Variants in XYLT1 observed in about 807,000 individuals in gnomAD.
The protein encoded by XYLT1 is xylosyltransferase 1, also known as beta-D-xylosyltransferase 1.
XYLT1 carries 36 observed loss-of-function variants against 91.3 expected under a neutral mutation model. That is an observed-to-expected ratio of 0.39 (90% CI 0.30 to 0.52). XYLT1 has a LOEUF of 0.52. Among genes scored for constraint, XYLT1 ranks in the 20% least tolerant of loss-of-function variants. XYLT1 has a pLI of 0.68. For missense variants in XYLT1, 1,242 were observed against 1,284.5 expected (o/e 0.97, Z 0.51); for synonymous variants, 588 against 532.0 (o/e 1.11, Z -1.45).
chr16:17,297,214 A>C (rs560175491), intron 2 of XYLT1, among the ~76,000 whole-genome samples: 1 of 152,272 alleles, frequency 6.6e-6, no homozygotes, highest in South Asian at 2.1e-4. Flanking sequence ...TTTATTAGTA[A>C]CACCACCCAA....
chr16:17,246,976 T>C (rs78296569), intron 3 of XYLT1, among the ~76,000 whole-genome samples: 3,692 of 152,158 alleles, frequency 0.024, 139 homozygotes, highest in African/African-American at 0.079. Flanking sequence ...AGAGGTGCAG[T>C]GTGGGGAGAC....
intron 5 of XYLT1, among the ~76,000 whole-genome samples, chr16:17,171,442 A>G (rs1472550953): frequency 6.6e-6 from 1 of 152,242 alleles, no homozygotes; most frequent in Non-Finnish European, 1.5e-5. Flanking sequence ...CACACCATGG[A>G]AAAACAAACA....
At position 17,419,798 on chromosome 16, in the gene XYLT1, AAG is replaced by A. The variant is rs141402713; in HGVS notation, c.363+50634_363+50635del. Among the ~76,000 whole-genome samples the A allele has an allele frequency of 1.8e-3, 269 of 152,308 alleles. 2 individuals are homozygous for A. The highest frequency in any genetic ancestry group is 6.2e-3 in the African/African-American group (257 of 41,574). On this transcript the variant is annotated intron_variant, in intron 1 of 11. Coordinates refer to ENST00000261381, the MANE Select transcript of XYLT1 (RefSeq NM_022166.4). The stretch of plus-strand genomic sequence containing the variant: ...ACCTCTTTTTCCTTCTGTAAATTGA[AAG>A]AGAGGGAGCCTGCTTCCTTTGATTT...
At chr16:17,346,213 C>A (rs1303643517) in intron 2 of XYLT1, among the ~76,000 whole-genome samples, 1 of 152,172 alleles carries the variant, frequency 6.6e-6, no homozygotes, top group African/African-American at 2.4e-5. Flanking sequence ...GCTGCATAGA[C>A]CATGACCTGC....
rs1202150931 is a variant in XYLT1 at position 17,200,595 on chromosome 16, G to T, written c.973C>A (p.Pro325Thr). ...ACCAGGACAAAGGCGATTCTGACCG[G>T]GTTGGCTGGCATGTACTCCACGGAG... ...EDSVEYMPAN[P>T]VRIAFVLVVH... The change falls in exon 4 of 12, where the codon CCG (proline) becomes ACG (threonine). Residue 325 changes from proline to threonine, a missense_variant. Physicochemically the swap from Pro to Thr is conservative, Grantham distance 38 (BLOSUM62 -1). Around this residue, in one of 3 missense-constraint regions of XYLT1, gnomAD observed 294 missense variants for 376.0 expected, o/e 0.78. Transcript: ENST00000261381. 1 of 1,614,070 alleles carries T rather than the reference G, an allele frequency of 6.2e-7. No homozygotes were observed. Among genetic ancestry groups the T allele is most frequent in the African/African-American group, 1.3e-5 (1 of 74,930 alleles).
At chr16:17,436,378 G>C (rs1251220483) in intron 1 of XYLT1, among the ~76,000 whole-genome samples, 8 of 152,154 alleles carry the variant, frequency 5.3e-5, no homozygotes, top group Non-Finnish European at 1.2e-4. Flanking sequence ...AAGGCTGTCT[G>C]GCTCCAGAGT....
intron 2 of XYLT1, among the ~76,000 whole-genome samples, chr16:17,296,633 C>T (rs1042754272): frequency 2.0e-5 from 3 of 152,142 alleles, no homozygotes; most frequent in South Asian, 2.1e-4. Flanking sequence ...TGGGCAGGAG[C>T]GCAGAGCCCG....
rs546143829 is a variant in XYLT1, at chr16:17,392,518, C to T, written c.364-34468G>A. Among the ~76,000 whole-genome samples the T allele has an allele frequency of 4.8e-4, 73 of 152,250 alleles. 2 individuals carry two copies. In the South Asian group the frequency reaches 0.014, roughly 29 times the overall value. ...GTGTTATTCACTGCTGCATCCTCATCGTGCACACTAGCTGATACTCCTAAA... is the reference window on the plus strand; with the variant it reads ...GTGTTATTCACTGCTGCATCCTCATTGTGCACACTAGCTGATACTCCTAAA... On this transcript the variant is annotated intron_variant, in intron 1 of 11. Transcript: ENST00000261381.
intron 1 of XYLT1, among the ~76,000 whole-genome samples, chr16:17,445,086 GC>G (rs1320209651): frequency 6.6e-6 from 1 of 152,152 alleles, no homozygotes. Flanking sequence ...TACAACCTTT[GC>G]CTCCAGGGCT....
intron 1 of XYLT1, among the ~76,000 whole-genome samples, chr16:17,425,201 A>C (rs2141926338): frequency 6.6e-6 from 1 of 152,250 alleles, no homozygotes; most frequent in African/African-American, 2.4e-5. Context: ...CACCTCAATA[A>C]AATTTTACTC....
intron 6 of XYLT1, among the ~76,000 whole-genome samples, chr16:17,157,651 TAAC>T (rs1181172116): frequency 1.3e-5 from 2 of 152,194 alleles, no homozygotes; most frequent in African/African-American, 4.8e-5. Flanking sequence ...CCATGCACGT[TAAC>T]AAGCTGAAAT....
intron 5 of XYLT1, chr16:17,193,803 C>G (rs573092589): frequency 9.8e-5 from 15 of 152,310 alleles, no homozygotes; most frequent in African/African-American, 3.6e-4. Context: ...CATTCATCTG[C>G]AAAATTCATA....
intron 8 of XYLT1, among the ~76,000 whole-genome samples, chr16:17,136,475 G>A (rs997060913): frequency 1.1e-4 from 16 of 152,128 alleles, no homozygotes; most frequent in African/African-American, 3.9e-4. Context: ...TCCTCATTTG[G>A]CTACCGTCTA....
At chr16:17,247,162 T>TTCAC (rs112375177) in intron 3 of XYLT1, among the ~76,000 whole-genome samples, 5,321 of 151,174 alleles carry the variant, frequency 0.035, 300 homozygotes, top group African/African-American at 0.12. Flanking sequence ...CATTTATTCA[T>TTCAC]TCACTCATTC....
chr16:17,470,828 G>T lies in XYLT1; in HGVS notation c.-32C>A, dbSNP rs771243925. The stretch of plus-strand genomic sequence containing the variant: ...AGCGCGGCCGGCGAGCGAGGCGCGG[G>T]GACCCCGGCACGCTCCGGGCCGCCC... On this transcript the variant is annotated 5_prime_UTR_variant, in exon 1 of 12. Coordinates refer to ENST00000261381, the MANE Select transcript of XYLT1 (RefSeq NM_022166.4). 7 of 986,926 alleles carry T rather than the reference G, an allele frequency of 7.1e-6. No individual in the cohort carries two copies. Among genetic ancestry groups the T allele is most frequent in the Non-Finnish European group, 8.4e-6 (7 of 833,084 alleles). 61.1% of individuals were successfully genotyped at this position (986,926 alleles called of 1,614,324 possible). A position where few individuals can be genotyped will look rare whatever the true frequency, so the allele number is the denominator to read the frequency against.
intron 1 of XYLT1, among the ~76,000 whole-genome samples, chr16:17,376,721 G>C (rs1596511766): frequency 6.7e-6 from 1 of 148,848 alleles, no homozygotes; most frequent in East Asian, 2.0e-4. Flanking sequence ...CAGCTACTTA[G>C]AAAGCTGAGG....
rs551215841 is a variant in XYLT1 at position 17,224,038 on chromosome 16, C to A, written c.914-23384G>T. 1.2e-4 allele frequency among the ~76,000 whole-genome samples: 18 copies of A among 152,318 alleles called. No individual in the cohort carries two copies. In the South Asian group the frequency reaches 2.1e-3, roughly 18 times the overall value. ...AAAGGCTTGGGTTCAAATTCTAGGA[C>A]CAGACCTCGCTAGCTCTGTTATCTA... On this transcript the variant is annotated intron_variant, in intron 3 of 11. Coordinates refer to ENST00000261381, the MANE Select transcript of XYLT1 (RefSeq NM_022166.4).
At position 17,420,345 on chromosome 16, in the gene XYLT1, C is replaced by T. The variant is rs140506228; in HGVS notation, c.363+50089G>A. 6.2e-3 allele frequency among the ~76,000 whole-genome samples: 950 copies of T among 152,280 alleles called. 6 individuals carry two copies. The highest frequency in any genetic ancestry group is 0.01 in the Admixed American group (153 of 15,294). ...TCTTAGGCAACAGAAACGTGCTACG[C>T]TAATTATTATTAGCAATAATGGCTC... On this transcript the variant is annotated intron_variant, in intron 1 of 11. Transcript: ENST00000261381.
intron 2 of XYLT1, among the ~76,000 whole-genome samples, chr16:17,330,795 GAAAAA>G (rs558088198): frequency 7.0e-6 from 1 of 142,234 alleles, no homozygotes; most frequent in South Asian, 2.2e-4. Context: ...CTCCCTCTCG[GAAAAA>G]AAAAAAAGAA....
Sources: gnomAD v4.1 joint callset for allele counts (sites outside exome capture counted in the v4.1 genomes callset) on GRCh38, gnomAD v4.1.1 for gene constraint, gnomAD v4.1.1 regional missense constraint, MANE v1.5 for transcripts, NCBI Gene and HGNC (gene_info 2026-07-23, HGNC 2026-07-21) for gene names.